The following SNAP91 variants were observed in gnomAD, a reference collection of about 807,000 sequenced individuals.
The protein encoded by SNAP91 is clathrin coat assembly protein AP180.
Under a neutral mutation model 100.3 loss-of-function variants are expected in SNAP91, and 27 were observed. The observed-to-expected ratio is 0.27, with a 90% CI of 0.20 to 0.37. SNAP91 has a LOEUF of 0.37. SNAP91 is among the 10% of genes least tolerant of loss of function. The pLI, the probability that SNAP91 is intolerant of heterozygous loss-of-function variation, is 1.00. For synonymous variants in SNAP91, 404 were observed against 398.6 expected (o/e 1.01, Z -0.16); for missense variants, 986 against 1,123.7 (o/e 0.88, Z 1.75).
At chr6:83,678,371 A>G (rs967534628) in intron 2 of SNAP91, among the ~76,000 whole-genome samples, 1 of 152,062 alleles carries the variant, frequency 6.6e-6, no homozygotes, top group South Asian at 2.1e-4. Context: ...AGAAAAGAAT[A>G]GCTATTTTAT....
chr6:83,634,884 A>G (rs1424701284), intron 8 of SNAP91, among the ~76,000 whole-genome samples: 2 of 152,050 alleles, frequency 1.3e-5, no homozygotes, highest in Non-Finnish European at 2.9e-5. Context: ...TTCTGCCTTA[A>G]TTTTGTTGTT....
chr6:83,678,250 A>G lies in SNAP91; in HGVS notation c.131-12669T>C, dbSNP rs144467592. 8.9e-4 allele frequency among the ~76,000 whole-genome samples: 136 copies of G among 152,258 alleles called. No individual in the cohort carries two copies. The East Asian group carries it at 0.013, about 15-fold the overall frequency. The stretch of plus-strand genomic sequence containing the variant: ...AGGTGTCTCTAGAGAAGAATTTACC[A>G]TATTGGTTAACTTACCATCTCCCAA... On this transcript the variant is annotated intron_variant, in intron 2 of 29. Transcript: ENST00000369694.
intron 7 of SNAP91, among the ~76,000 whole-genome samples, chr6:83,642,181 T>C (rs1379396311): frequency 1.3e-5 from 2 of 151,818 alleles, no homozygotes; most frequent in African/African-American, 4.8e-5. Context: ...CAGTATTCTT[T>C]TTTTAATTTA....
At position 83,593,759 on chromosome 6, in the gene SNAP91, G is replaced by A. The variant is rs778239549; in HGVS notation, c.1433-18C>T. 1 of 1,545,164 alleles carries A rather than the reference G, an allele frequency of 6.5e-7. No homozygotes were observed. Among genetic ancestry groups the A allele is most frequent in the Admixed American group, 2.0e-5 (1 of 51,016 alleles). On this transcript the variant is annotated intron_variant, in intron 17 of 29. Transcript: ENST00000369694. ...AAAGGGGTCTTTTGGAAAGGAAAGTGGAGACACACACAGCATCAGTAAGGA... is the reference window on the plus strand; with the variant it reads ...AAAGGGGTCTTTTGGAAAGGAAAGTAGAGACACACACAGCATCAGTAAGGA...
chr6:83,634,951 C>G (rs217332), intron 8 of SNAP91, among the ~76,000 whole-genome samples: 122,349 of 152,160 alleles, frequency 0.8, 49,480 homozygotes, highest in East Asian at 0.9. Flanking sequence ...GTGTGGTTTT[C>G]AGAGTTCCTC....
intron 16 of SNAP91, among the ~76,000 whole-genome samples, chr6:83,595,006 A>G (rs956930725): frequency 6.6e-6 from 1 of 152,184 alleles, no homozygotes; most frequent in African/African-American, 2.4e-5. Context: ...GCAAAATTAC[A>G]GTGTTAACAT....
chr6:83,641,295 A>AT, intron 7 of SNAP91, 93 bp from the exon 8 acceptor site: 2 of 563,546 alleles, frequency 3.5e-6, no homozygotes, highest in Non-Finnish European at 6.0e-6. Flanking sequence ...AAACTTAATT[A>AT]ATGTTTGAAT....
At chr6:83,704,288 A>G (rs543066999) in intron 2 of SNAP91, among the ~76,000 whole-genome samples, 1 of 152,298 alleles carries the variant, frequency 6.6e-6, no homozygotes, top group East Asian at 1.9e-4. Flanking sequence ...TCAAACCAAT[A>G]TTGGTTAGGT....
intron 7 of SNAP91, among the ~76,000 whole-genome samples, chr6:83,654,846 A>T (rs217310): frequency 0.38 from 57,331 of 151,976 alleles, 11,377 homozygotes; most frequent in South Asian, 0.5. Flanking sequence ...ACCAGAAGAA[A>T]ATCAATGTAG....
intron 2 of SNAP91, among the ~76,000 whole-genome samples, chr6:83,682,224 CTGGAGTACGGTGGTACA>C (rs1472291657): frequency 7.3e-6 from 1 of 136,946 alleles, no homozygotes; most frequent in East Asian, 2.2e-4. Context: ...GTTGTGCAGG[CTGGAGTACGGTGGTACA>C]ATCATGGCTC....
intron 28 of SNAP91, among the ~76,000 whole-genome samples, chr6:83,559,415 G>A (rs1783721595): frequency 1.3e-5 from 2 of 152,192 alleles, no homozygotes; most frequent in Admixed American, 1.3e-4. Flanking sequence ...GGACAAAGAA[G>A]CTTCATGTTT....
chr6:83,555,928 C>A (rs17199229), intron 29 of SNAP91, among the ~76,000 whole-genome samples: 4,158 of 152,072 alleles, frequency 0.027, 72 homozygotes, highest in East Asian at 0.063. Flanking sequence ...AGGATAAGGA[C>A]AATTTGGAGG....
intron 26 of SNAP91, among the ~76,000 whole-genome samples, chr6:83,574,527 C>T (rs1363633716): frequency 1.3e-5 from 2 of 152,030 alleles, no homozygotes; most frequent in Non-Finnish European, 2.9e-5. Context: ...ACTGCCCAAT[C>T]TTTCTGGTAG....
chr6:83,557,795 C>T (rs1781021273), intron 28 of SNAP91, among the ~76,000 whole-genome samples: 1 of 152,036 alleles, frequency 6.6e-6, no homozygotes. Context: ...AAAGATTGGT[C>T]CATAATTGAT....
intron 7 of SNAP91, among the ~76,000 whole-genome samples, chr6:83,649,699 G>C (rs2098114537): frequency 6.6e-6 from 1 of 151,224 alleles, no homozygotes; most frequent in African/African-American, 2.4e-5. Context: ...TCCTGCCTTA[G>C]CCTCCCTAGT....
intron 2 of SNAP91, among the ~76,000 whole-genome samples, 197 bp downstream of exon 2, chr6:83,707,601 G>GA (rs1213366303): frequency 6.6e-6 from 1 of 151,212 alleles, no homozygotes; most frequent in East Asian, 1.9e-4. Context: ...TCAATAAGAG[G>GA]AAAAAATGGC....
chr6:83,615,680 G>A (rs1218890662), intron 10 of SNAP91, among the ~76,000 whole-genome samples: 1 of 152,074 alleles, frequency 6.6e-6, no homozygotes, highest in East Asian at 1.9e-4. Flanking sequence ...ATAATTGTCT[G>A]TAATACTCTT....
chr6:83,644,021 T>A (rs557643376), intron 7 of SNAP91, among the ~76,000 whole-genome samples: 1 of 152,326 alleles, frequency 6.6e-6, no homozygotes, highest in East Asian at 1.9e-4. Flanking sequence ...TGGCAAAACA[T>A]ACTTTTTGTT....
chr6:83,584,890 T>C (rs921511864), intron 22 of SNAP91, among the ~76,000 whole-genome samples: 1 of 152,126 alleles, frequency 6.6e-6, no homozygotes, highest in African/African-American at 2.4e-5. Flanking sequence ...CCAGAAAAAA[T>C]GCTGTAGTGG....
Sources: allele counts gnomAD v4.1 joint callset (sites outside exome capture counted in the v4.1 genomes callset), GRCh38; gene constraint gnomAD v4.1.1; transcripts MANE v1.5; gene names NCBI Gene and HGNC (gene_info 2026-07-23, HGNC 2026-07-21).